Variants in VRK2 observed in about 807,000 individuals in gnomAD.
The protein encoded by VRK2 is VRK serine/threonine kinase 2.
Under a neutral mutation model 57.6 loss-of-function variants are expected in VRK2, and 60 were observed. That is an observed-to-expected ratio of 1.04 (90% CI 0.85 to 1.29). The LOEUF (loss-of-function observed/expected upper bound fraction) is 1.29, where lower values mean the gene tolerates loss of function less well. VRK2 is among the 50% of genes most tolerant of loss of function. The pLI is 0.00. For synonymous variants in VRK2, 231 were observed against 199.2 expected (o/e 1.16, Z -1.35); for missense variants, 705 against 588.1 (o/e 1.20, Z -2.06).
At chr2:57,937,105 G>A (rs898719864) in intron 1 of VRK2, among the ~76,000 whole-genome samples, 48 of 152,322 alleles carry the variant, frequency 3.2e-4, no homozygotes, top group African/African-American at 1.1e-3. Context: ...ATAGGTAAAG[G>A]TAGCTTCTGG....
intron 1 of VRK2, among the ~76,000 whole-genome samples, chr2:57,971,972 C>T (rs566937014): frequency 1.4e-4 from 22 of 151,884 alleles, no homozygotes; most frequent in Middle Eastern, 3.4e-3. Context: ...ATTACTGTAC[C>T]TAATTACATT....
chr2:58,026,369 T>C (rs1390424081), intron 2 of VRK2, among the ~76,000 whole-genome samples: 3 of 152,086 alleles, frequency 2.0e-5, no homozygotes, highest in South Asian at 4.1e-4. Context: ...ATCTAGTTTA[T>C]GTAAATAATT....
intron 1 of VRK2, among the ~76,000 whole-genome samples, chr2:57,991,587 C>G (rs899522817): frequency 1.3e-5 from 2 of 152,052 alleles, no homozygotes; most frequent in Admixed American, 1.3e-4. Flanking sequence ...TGTGTTAGTT[C>G]ACAGACATTA....
chr2:58,139,615 G>C, intron 10 of VRK2, 51 bp from the exon 11 acceptor site: 2 of 1,530,510 alleles, frequency 1.3e-6, no homozygotes, highest in African/African-American at 1.4e-5. Flanking sequence ...CTGGAGTCTT[G>C]ACAATTCTTG....
chr2:57,969,616 A>G (rs1672029798), intron 1 of VRK2, among the ~76,000 whole-genome samples: 1 of 152,130 alleles, frequency 6.6e-6, no homozygotes, highest in African/African-American at 2.4e-5. Flanking sequence ...TTATTTCAAG[A>G]ATTTAGAAAC....
At chr2:57,957,876 C>A (rs757472116) in intron 1 of VRK2, among the ~76,000 whole-genome samples, 1 of 152,086 alleles carries the variant, frequency 6.6e-6, no homozygotes, top group East Asian at 1.9e-4. Flanking sequence ...CAGGAAAGCA[C>A]CTGAAACAAT....
chr2:58,036,141 TATTGAAGTGGTCCCA>T (rs1674266499), intron 3 of VRK2, among the ~76,000 whole-genome samples: 1 of 152,012 alleles, frequency 6.6e-6, no homozygotes, highest in Non-Finnish European at 1.5e-5. Flanking sequence ...TCTAATTGCT[TATTGAAGTGGTCCCA>T]ATTGTATGAC....
intron 7 of VRK2, among the ~76,000 whole-genome samples, chr2:58,114,913 G>A (rs565710142): frequency 4.1e-4 from 62 of 152,234 alleles, no homozygotes; most frequent in Non-Finnish European, 6.2e-4. Flanking sequence ...TCCTGACTCG[G>A]GACATGTTGA....
At chr2:57,994,175 T>A (rs1338613590) in intron 1 of VRK2, among the ~76,000 whole-genome samples, 1 of 152,200 alleles carries the variant, frequency 6.6e-6, no homozygotes, top group Non-Finnish European at 1.5e-5. Flanking sequence ...CATTGAAATT[T>A]AAAAGATCCC....
At chr2:57,967,710 TAAG>T (rs1326395814) in intron 1 of VRK2, among the ~76,000 whole-genome samples, 3 of 152,160 alleles carry the variant, frequency 2.0e-5, no homozygotes, top group Admixed American at 1.3e-4. Context: ...CTTATCTATA[TAAG>T]AAGGAGACGT....
At chr2:58,055,443 T>C (rs1232343098) in intron 2 of VRK2, among the ~76,000 whole-genome samples, 1 of 152,246 alleles carries the variant, frequency 6.6e-6, no homozygotes, top group African/African-American at 2.4e-5. Flanking sequence ...CAGCAGCTCC[T>C]GTGGCTGTGT....
chr2:57,911,824 T>C (rs1669994914), intron 1 of VRK2, among the ~76,000 whole-genome samples: 1 of 152,206 alleles, frequency 6.6e-6, no homozygotes, highest in Admixed American at 6.5e-5. Context: ...AAATCAGGAA[T>C]GTTACTGTTG....
chr2:58,103,435 G>T (rs2104361398), intron 7 of VRK2, among the ~76,000 whole-genome samples: 1 of 151,496 alleles, frequency 6.6e-6, no homozygotes, highest in East Asian at 1.9e-4. Context: ...CCACAGAAAT[G>T]CAAGAGATCA....
At chr2:58,062,297 A>T (rs181737729) in intron 2 of VRK2, among the ~76,000 whole-genome samples, 3 of 152,038 alleles carry the variant, frequency 2.0e-5, no homozygotes, top group South Asian at 4.1e-4. Flanking sequence ...TGCTCCCATC[A>T]TTCTCCCTTT....
intron 7 of VRK2, among the ~76,000 whole-genome samples, chr2:58,102,331 C>A (rs951316942): frequency 6.6e-6 from 1 of 150,848 alleles, no homozygotes; most frequent in Non-Finnish European, 1.5e-5. Flanking sequence ...AAAAAATGAA[C>A]CAACTATATA....
chr2:58,112,447 C>G (rs756586914), intron 7 of VRK2, among the ~76,000 whole-genome samples: 7 of 152,236 alleles, frequency 4.6e-5, no homozygotes, highest in South Asian at 4.1e-4. Flanking sequence ...TCTAGACTGT[C>G]TTTCTCTACT....
intron 10 of VRK2, among the ~76,000 whole-genome samples, chr2:58,137,200 ATCTCATATATGATAC>A (rs1558687054): frequency 2.2e-4 from 4 of 18,576 alleles, no homozygotes; most frequent in East Asian, 1.8e-3. Flanking sequence ...ATACATATAT[ATCTCATATATGATAC>A]ATATATATCA....
chr2:58,124,027 C>G (rs1006126262), intron 8 of VRK2, among the ~76,000 whole-genome samples: 6 of 152,152 alleles, frequency 3.9e-5, no homozygotes, highest in African/African-American at 1.4e-4. Context: ...CTTATTTAAA[C>G]TCACTTTGAT....
chr2:57,959,548 G>A (rs1312815924), intron 1 of VRK2, among the ~76,000 whole-genome samples: 1 of 152,180 alleles, frequency 6.6e-6, no homozygotes, highest in Non-Finnish European at 1.5e-5. Context: ...AGCTTCTAGT[G>A]TTAGCAGCCA....
Sources: gnomAD v4.1 joint callset for allele counts (sites outside exome capture counted in the v4.1 genomes callset) on GRCh38, gnomAD v4.1.1 for gene constraint, MANE v1.5 for transcripts, NCBI Gene and HGNC (gene_info 2026-07-23, HGNC 2026-07-21) for gene names.